CFAP299: variants seen among roughly 807,000 people sequenced by gnomAD.
The protein encoded by CFAP299 is cilia and flagella associated protein 299, also known as cilia- and flagella-associated protein 299.
CFAP299 carries 21 observed loss-of-function variants against 27.0 expected under a neutral mutation model. The observed-to-expected ratio is 0.78, with a 90% CI of 0.55 to 1.12. CFAP299 has a LOEUF of 1.12. Among genes scored for constraint, CFAP299 ranks in the 50% most tolerant of loss-of-function variants. CFAP299 has a pLI of 0.00. For missense variants in CFAP299, 310 were observed against 276.6 expected, an observed-to-expected ratio of 1.12 and a Z score of -0.86; for synonymous variants, 104 against 98.1, an observed-to-expected ratio of 1.06 and a Z score of -0.36.
chr4:80,683,056 C>T (rs1282062184), intron 3 of CFAP299, among the ~76,000 whole-genome samples: 3 of 152,110 alleles, frequency 2.0e-5, no homozygotes, highest in Non-Finnish European at 4.4e-5. Context: ...TCACCTGGTC[C>T]ACAGATTTTG....
intron 4 of CFAP299, among the ~76,000 whole-genome samples, chr4:80,875,750 C>T (rs569424502): frequency 5.9e-5 from 9 of 151,344 alleles, no homozygotes; most frequent in South Asian, 2.1e-4. Flanking sequence ...CATATTTTTA[C>T]TAGATTAACA....
At chr4:80,855,717 C>A (rs1460993247) in intron 3 of CFAP299, among the ~76,000 whole-genome samples, 1 of 152,170 alleles carries the variant, frequency 6.6e-6, no homozygotes, top group Non-Finnish European at 1.5e-5. Flanking sequence ...TCATCTATGT[C>A]CCTACAAAGG....
intron 1 of CFAP299, among the ~76,000 whole-genome samples, chr4:80,338,398 G>T (rs1342843883): frequency 1.6e-4 from 24 of 151,974 alleles, no homozygotes; most frequent in Admixed American, 1.6e-3. Context: ...GAATTTATTT[G>T]AATGAAACAA....
chr4:80,393,383 G>C (rs1725600109), intron 2 of CFAP299, among the ~76,000 whole-genome samples: 1 of 152,138 alleles, frequency 6.6e-6, no homozygotes, highest in Admixed American at 6.5e-5. Flanking sequence ...GCCTAGTGCA[G>C]TGTTTATAAA....
At chr4:80,890,729 C>T (rs1364968342) in intron 4 of CFAP299, among the ~76,000 whole-genome samples, 1 of 150,616 alleles carries the variant, frequency 6.6e-6, no homozygotes, top group African/African-American at 2.5e-5. Context: ...CCTGTTGTTT[C>T]CTGACTTTTT....
chr4:80,366,705 A>G (rs944996586), intron 2 of CFAP299, among the ~76,000 whole-genome samples: 2 of 152,226 alleles, frequency 1.3e-5, no homozygotes, highest in Non-Finnish European at 2.9e-5. Context: ...CAATTCTACC[A>G]AACACATATT....
At chr4:80,825,727 T>C (rs1242046253) in intron 3 of CFAP299, among the ~76,000 whole-genome samples, 1 of 151,924 alleles carries the variant, frequency 6.6e-6, no homozygotes, top group African/African-American at 2.4e-5. Flanking sequence ...CTAGACCTGT[T>C]GTGCAAGAAA....
intron 4 of CFAP299, chr4:80,873,072 A>T (rs182209876): frequency 1.1e-6 from 1 of 888,962 alleles, no homozygotes; most frequent in East Asian, 1.2e-4. Flanking sequence ...ACTGTCTTAT[A>T]GGATATTATA....
intron 4 of CFAP299, among the ~76,000 whole-genome samples, chr4:80,909,900 T>C (rs1578231498): frequency 6.6e-6 from 1 of 152,122 alleles, no homozygotes; most frequent in Non-Finnish European, 1.5e-5. Context: ...ACTAAATTTT[T>C]TGAAAACTAC....
At chr4:80,420,575 A>G (rs1727244231) in intron 2 of CFAP299, among the ~76,000 whole-genome samples, 1 of 152,142 alleles carries the variant, frequency 6.6e-6, no homozygotes, top group Admixed American at 6.6e-5. Flanking sequence ...TCTTTTTAAG[A>G]AATGTCTATT....
intron 3 of CFAP299, among the ~76,000 whole-genome samples, chr4:80,706,420 T>A (rs1261697570): frequency 6.6e-6 from 1 of 151,766 alleles, no homozygotes. Flanking sequence ...ACCAAAGGAA[T>A]GGTTTTTTGG....
chr4:80,448,031 G>A (rs1432085840), intron 2 of CFAP299, among the ~76,000 whole-genome samples: 1 of 152,152 alleles, frequency 6.6e-6, no homozygotes, highest in African/African-American at 2.4e-5. Flanking sequence ...CATGTTTTAG[G>A]CACCAGCAGT....
intron 3 of CFAP299, among the ~76,000 whole-genome samples, chr4:80,585,332 A>C (rs1736379751): frequency 6.6e-6 from 1 of 152,184 alleles, no homozygotes; most frequent in South Asian, 2.1e-4. Context: ...TGTTTTTGAC[A>C]AAAGAATATG....
At chr4:80,473,537 G>A (rs972759784) in intron 2 of CFAP299, among the ~76,000 whole-genome samples, 7 of 151,160 alleles carry the variant, frequency 4.6e-5, no homozygotes, top group Admixed American at 4.6e-4. Context: ...TGCTCTTTCT[G>A]TGTAAAATAG....
At chr4:80,516,958 T>C (rs1205955417) in intron 2 of CFAP299, among the ~76,000 whole-genome samples, 1 of 152,200 alleles carries the variant, frequency 6.6e-6, no homozygotes, top group Non-Finnish European at 1.5e-5. Context: ...GATCTTTTTA[T>C]TTTTTATTCA....
intron 3 of CFAP299, among the ~76,000 whole-genome samples, chr4:80,616,441 A>T (rs1038469737): frequency 6.6e-6 from 1 of 151,944 alleles, no homozygotes; most frequent in African/African-American, 2.4e-5. Flanking sequence ...AAATATGCAT[A>T]TATACATAAA....
intron 3 of CFAP299, among the ~76,000 whole-genome samples, chr4:80,788,068 G>A (rs930636053): frequency 6.6e-6 from 1 of 152,112 alleles, no homozygotes; most frequent in East Asian, 1.9e-4. Flanking sequence ...TGGGACTTGA[G>A]ATTTTGCATT....
intron 2 of CFAP299, among the ~76,000 whole-genome samples, chr4:80,389,799 T>A (rs979409744): frequency 1.3e-5 from 2 of 152,192 alleles, no homozygotes; most frequent in Non-Finnish European, 2.9e-5. Flanking sequence ...AAGCATTTAC[T>A]ATTTACTTCT....
At chr4:80,390,743 GTA>G (rs1189558988) in intron 2 of CFAP299, among the ~76,000 whole-genome samples, 14 of 86,984 alleles carry the variant, frequency 1.6e-4, no homozygotes, top group African/African-American at 5.9e-4. Flanking sequence ...ATGTATATAT[GTA>G]TATATACACA....
Sources: allele counts gnomAD v4.1 joint callset (sites outside exome capture counted in the v4.1 genomes callset), GRCh38; gene constraint gnomAD v4.1.1; transcripts MANE v1.5; gene names NCBI Gene and HGNC (gene_info 2026-07-23, HGNC 2026-07-21).